The following MBD5 variants were observed in gnomAD, a reference collection of about 807,000 sequenced individuals.
The protein encoded by MBD5 is methyl-CpG-binding domain protein 5.
MBD5 carries 13 observed loss-of-function variants against 117.3 expected under a neutral mutation model. The ratio of observed to expected loss-of-function variants is 0.11; its 90% CI spans 0.07 to 0.18. The LOEUF (loss-of-function observed/expected upper bound fraction) is 0.18. Ranked by LOEUF, MBD5 falls within the 10% of genes least tolerant of loss-of-function variation. The pLI, the probability that MBD5 is intolerant of heterozygous loss-of-function variation, is 1.00. For missense variants in MBD5, 1,879 were observed against 2,093.8 expected, an observed-to-expected ratio of 0.90 and a Z score of 2.00; for synonymous variants, 727 against 766.4, an observed-to-expected ratio of 0.95 and a Z score of 0.85.
intron 1 of MBD5, among the ~76,000 whole-genome samples, chr2:148,043,083 T>G (rs1031156465): frequency 1.3e-5 from 2 of 151,930 alleles, no homozygotes; most frequent in African/African-American, 4.8e-5. Flanking sequence ...ATCACCTGAG[T>G]TGCATATTAA....
chr2:148,226,306 C>A lies in MBD5; in HGVS notation c.-830-6939C>A, dbSNP rs187157422. On this transcript the variant is annotated intron_variant, in intron 2 of 13. Transcript: ENST00000642680. ...GTCCCCGGTGTGTGATGTTCCCCCTCCTGTGTCCATGTGTTCTCATTGTTC... is the reference window on the plus strand; with the variant it reads ...GTCCCCGGTGTGTGATGTTCCCCCTACTGTGTCCATGTGTTCTCATTGTTC... Among the ~76,000 whole-genome samples the A allele has an allele frequency of 1.5e-3, 230 of 152,212 alleles. 2 individuals carry two copies. Among genetic ancestry groups the A allele is most frequent in the East Asian group, 2.5e-3 (13 of 5,172 alleles).
intron 4 of MBD5, among the ~76,000 whole-genome samples, chr2:148,433,312 T>A (rs762326312): frequency 2.0e-5 from 3 of 152,208 alleles, no homozygotes; most frequent in Non-Finnish European, 4.4e-5. Flanking sequence ...AGGGGTAGTT[T>A]GACTTCCTCT....
intron 4 of MBD5, among the ~76,000 whole-genome samples, chr2:148,453,475 AATAAAT>A (rs1286755474): frequency 6.6e-6 from 1 of 152,118 alleles, no homozygotes; most frequent in African/African-American, 2.4e-5. Flanking sequence ...CTGTTTGTGA[AATAAAT>A]ATAAATTAAG....
rs368517911 is a variant in MBD5, at chr2:148,490,480, C to G, written c.4848C>G (p.Phe1616Leu). ...NELIHYRPRT[F>L]NVGDLVWGQI... ...TGATACATTATAGACCAAGGACGTT[C>G]AATGTTGGCGACTTGGTCTGGGGCC... Residue 1616 changes from phenylalanine (F) to leucine (L), a missense_variant, in exon 11 of 14, where the codon TTC (phenylalanine) becomes TTG (leucine). Physicochemically the swap from Phe to Leu is conservative, Grantham distance 22. Coordinates refer to ENST00000642680, the MANE Select transcript of MBD5 (RefSeq NM_001378120.1). 9 of 1,614,076 alleles carry G rather than the reference C, an allele frequency of 5.6e-6. No homozygotes were observed. The highest frequency in any genetic ancestry group is 5.9e-6 in the Non-Finnish European group (7 of 1,180,048).
intron 1 of MBD5, among the ~76,000 whole-genome samples, chr2:148,103,236 T>C (rs1166916610): frequency 6.6e-6 from 1 of 152,182 alleles, no homozygotes; most frequent in Non-Finnish European, 1.5e-5. Flanking sequence ...GATCCTTCTG[T>C]TATTTTGCTT....
intron 4 of MBD5, among the ~76,000 whole-genome samples, chr2:148,379,900 T>G (rs556884318): frequency 1.3e-5 from 2 of 152,234 alleles, no homozygotes; most frequent in East Asian, 3.9e-4. Context: ...TGTAAGTCTA[T>G]TTTTAAGACA....
At chr2:148,145,190 G>A (rs996486723) in intron 1 of MBD5, among the ~76,000 whole-genome samples, 25 of 152,012 alleles carry the variant, frequency 1.6e-4, no homozygotes, top group African/African-American at 5.3e-4. Context: ...ATTCCTAGGT[G>A]TTTTGTTCTC....
chr2:148,381,378 A>G (rs1704138108), intron 4 of MBD5, among the ~76,000 whole-genome samples: 1 of 152,178 alleles, frequency 6.6e-6, no homozygotes, highest in African/African-American at 2.4e-5. Flanking sequence ...GCAATGGAAG[A>G]TGAAATGAAT....
In MBD5 at chr2:148,070,212, C is replaced by A. The variant is rs542763115; in HGVS notation, c.-925+48528C>A. Among the ~76,000 whole-genome samples, 3 of 152,298 alleles carry A rather than the reference C, an allele frequency of 2.0e-5. No homozygotes were observed. The South Asian group carries it at 6.2e-4, about 32-fold the overall frequency. On this transcript the variant is annotated intron_variant, in intron 1 of 13. Coordinates refer to ENST00000642680, the MANE Select transcript of MBD5 (RefSeq NM_001378120.1). ...CTGAGAGCATGTCATGTTTCTCTTT[C>A]TGTTCCTGGCTTACTTCACTTAACA...
intron 4 of MBD5, among the ~76,000 whole-genome samples, chr2:148,415,561 C>T (rs1159770034): frequency 6.6e-6 from 1 of 152,128 alleles, no homozygotes; most frequent in African/African-American, 2.4e-5. Context: ...AACATGTTTT[C>T]CAGGTTGCTT....
chr2:148,297,510 A>C (rs929282226), intron 3 of MBD5, among the ~76,000 whole-genome samples: 18 of 152,142 alleles, frequency 1.2e-4, no homozygotes, highest in Admixed American at 6.5e-5. Flanking sequence ...AGCTCTACTA[A>C]TTGCTGGGGT....
intron 4 of MBD5, among the ~76,000 whole-genome samples, chr2:148,407,579 G>T (rs1705122568): frequency 6.6e-6 from 1 of 152,104 alleles, no homozygotes; most frequent in South Asian, 2.1e-4. Flanking sequence ...TTAAATTATA[G>T]CACTCATATT....
At chr2:148,391,698 A>G (rs149896533) in intron 4 of MBD5, among the ~76,000 whole-genome samples, 86 of 152,310 alleles carry the variant, frequency 5.6e-4, no homozygotes, top group Non-Finnish European at 9.1e-4. Context: ...TGTTTTTACA[A>G]TAGGCACATT....
intron 1 of MBD5, chr2:148,053,852 G>T (rs1336160986): frequency 6.6e-6 from 1 of 151,248 alleles, no homozygotes; most frequent in East Asian, 1.9e-4. Flanking sequence ...CTGATCCAAT[G>T]AAGTTTTTTT....
At chr2:148,471,428 A>T (rs1400139768) in intron 8 of MBD5, 1 of 152,166 alleles carries the variant, frequency 6.6e-6, no homozygotes, top group Non-Finnish European at 1.5e-5. Context: ...GAAATAAAAG[A>T]TGGTTGTAAA....
intron 2 of MBD5, among the ~76,000 whole-genome samples, chr2:148,231,439 C>T (rs1699983396): frequency 6.6e-6 from 1 of 152,162 alleles, no homozygotes; most frequent in Non-Finnish European, 1.5e-5. Context: ...GAGGTGGCAT[C>T]AGCTATTTAA....
chr2:148,443,600 A>T (rs1354278581), intron 4 of MBD5, among the ~76,000 whole-genome samples: 1 of 151,414 alleles, frequency 6.6e-6, no homozygotes, highest in African/African-American at 2.5e-5. Flanking sequence ...CATGATTGGA[A>T]TTGGAGGTCA....
intron 4 of MBD5, among the ~76,000 whole-genome samples, chr2:148,419,396 G>A (rs900888700): frequency 6.6e-6 from 1 of 152,082 alleles, no homozygotes; most frequent in African/African-American, 2.4e-5. Context: ...TTTTTAAAAA[G>A]CACATATATT....
chr2:148,446,067 T>C (rs1559074643), intron 4 of MBD5, among the ~76,000 whole-genome samples: 1 of 151,012 alleles, frequency 6.6e-6, no homozygotes, highest in Non-Finnish European at 1.5e-5. Flanking sequence ...AAAAATTTTC[T>C]CCCATTCTGT....
Sources: allele counts gnomAD v4.1 joint callset (sites outside exome capture counted in the v4.1 genomes callset), GRCh38; gene constraint gnomAD v4.1.1; transcripts MANE v1.5; gene names NCBI Gene and HGNC (gene_info 2026-07-23, HGNC 2026-07-21).